Variants in NTAN1 observed in about 807,000 individuals in gnomAD.
NTAN1 encodes the protein N-terminal asparagine amidase.
Under a neutral mutation model 41.9 loss-of-function variants are expected in NTAN1, and 32 were observed. That is an observed-to-expected ratio of 0.76 (90% CI 0.58 to 1.03). The LOEUF (loss-of-function observed/expected upper bound fraction) is 1.03, where lower values mean the gene tolerates loss of function less well. Ranked by LOEUF, NTAN1 falls within the 50% of genes least tolerant of loss-of-function variation. The pLI is 0.00. For missense variants in NTAN1, 377 were observed against 377.5 expected, an observed-to-expected ratio of 1.00 and a Z score of 0.01; for synonymous variants, 140 against 139.5, an observed-to-expected ratio of 1.00 and a Z score of -0.03.
rs578157007 is a variant in NTAN1 at position 15,046,601 on chromosome 16, T to G, written c.359+841A>C. Among the ~76,000 whole-genome samples the G allele has an allele frequency of 6.9e-4, 104 of 150,518 alleles. 1 individual carries two copies. The highest frequency in any genetic ancestry group is 3.7e-4 in the Non-Finnish European group (25 of 67,864). On this transcript the variant is annotated intron_variant, in intron 4 of 9. Coordinates refer to ENST00000287706, the MANE Select transcript of NTAN1 (RefSeq NM_173474.4). ...GCAATCCTTGGGGAAACTACCAATC[T>G]GCTGGAATTTAAAACTATACCCCTC... is the stretch of plus-strand genomic sequence containing the variant.
chr16:15,047,495 G>A lies in NTAN1; in HGVS notation c.306C>T (p.Val102=), dbSNP rs1417439460. 6.2e-7 allele frequency: 1 copy of A among 1,614,058 alleles called. No homozygotes were observed. The highest frequency in any genetic ancestry group is 8.5e-7 in the Non-Finnish European group (1 of 1,179,902). Residue 102 remains valine, a synonymous_variant, in exon 4 of 10, where the codon GTC becomes GTT. Transcript: ENST00000287706. ...ATTTTATGGAGTTCATGATCAAGGG[G>A]ACCTCAGCTTTGGTGTCGGTTCCGT... ...HCDGTDTKAE[V]PLIMNSIKSF... is the part of the protein sequence containing the mutation.
chr16:15,047,323 G>A (rs559421619), intron 4 of NTAN1, 119 bp downstream of exon 4: 11 of 713,854 alleles, frequency 1.5e-5, no homozygotes, highest in Non-Finnish European at 2.8e-5. Flanking sequence ...TGTTCCAGGG[G>A]AACGAGGCAG....
At chr16:15,053,707 T>A (rs1209050158) in intron 1 of NTAN1, among the ~76,000 whole-genome samples, 1 of 151,944 alleles carries the variant, frequency 6.6e-6, no homozygotes, top group African/African-American at 2.4e-5. Flanking sequence ...GGTCAGGAGT[T>A]CAAGAACAGC....
At chr16:15,038,749 A>G (rs2043666465) in intron 8 of NTAN1, 62 bp from the exon 9 acceptor site, 1 of 857,202 alleles carries the variant, frequency 1.2e-6, no homozygotes, top group African/African-American at 1.7e-5. Context: ...AAACCCTCCC[A>G]GTAACGCAAG....
chr16:15,038,833 G>C, intron 8 of NTAN1, 146 bp from the exon 9 acceptor site: 2 of 582,866 alleles, frequency 3.4e-6, no homozygotes, highest in Non-Finnish European at 3.0e-6. Context: ...AAAGCTGCCA[G>C]CTACTGAACA....
chr16:15,041,798 C>A (rs1450387275), intron 5 of NTAN1, 122 bp from the exon 6 acceptor site: 2 of 737,000 alleles, frequency 2.7e-6, no homozygotes, highest in Non-Finnish European at 4.9e-6. Flanking sequence ...CCCTACAGCC[C>A]GCGCCCACAC....
chr16:15,055,208 C>T (rs1234796616), intron 1 of NTAN1, among the ~76,000 whole-genome samples: 2 of 152,146 alleles, frequency 1.3e-5, no homozygotes, highest in African/African-American at 2.4e-5. Context: ...CCTGAGAACC[C>T]CCTTGCCAAC....
intron 2 of NTAN1, 31 bp downstream of exon 2, chr16:15,047,966 A>G: frequency 1.2e-6 from 2 of 1,601,296 alleles, no homozygotes; most frequent in Non-Finnish European, 1.7e-6. Context: ...GCCTTTTGGG[A>G]TAACGCCCAA....
rs2044103234 is a variant in NTAN1 at position 15,047,100 on chromosome 16, C to G, written c.359+342G>C. 9.8e-6 allele frequency: 3 copies of G among 304,668 alleles called. No homozygotes were observed. The South Asian group carries it at 1.3e-4, about 13-fold the overall frequency. The allele number at this position is 304,668 out of a possible 1,614,324, so 18.9% of individuals were successfully genotyped here. On this transcript the variant is annotated intron_variant, in intron 4 of 9. Coordinates refer to ENST00000287706, the MANE Select transcript of NTAN1 (RefSeq NM_173474.4). ...GGTGTAGGTGAGAGGAAGCATTTAA[C>G]AAGCAACTGCGGGAGGAATGACTGC...
intron 8 of NTAN1, 116 bp from the exon 9 acceptor site, chr16:15,038,803 A>G (rs1361023775): frequency 1.6e-6 from 1 of 610,174 alleles, no homozygotes. Context: ...TAAGCTTCTT[A>G]AAACCTGTCT....
At chr16:15,039,774 G>T (rs1335086244) in intron 8 of NTAN1, among the ~76,000 whole-genome samples, 195 bp downstream of exon 8, 1 of 152,204 alleles carries the variant, frequency 6.6e-6, no homozygotes, top group Non-Finnish European at 1.5e-5. Flanking sequence ...AACTGGAGCT[G>T]ATGACCTAAA....
At chr16:15,055,397 G>A (rs1263875730) in intron 1 of NTAN1, among the ~76,000 whole-genome samples, 4 of 152,210 alleles carry the variant, frequency 2.6e-5, no homozygotes, top group African/African-American at 7.2e-5. Flanking sequence ...GGGAGAGAGA[G>A]GAGGAAGGAC....
Position 15,043,005 on chromosome 16 carries a change from G to A in NTAN1, c.433+1329C>T, listed in dbSNP as rs112740798. Among the ~76,000 whole-genome samples, 23 of 151,376 alleles carry A rather than the reference G, an allele frequency of 1.5e-4. 1 individual carries two copies. Among genetic ancestry groups the A allele is most frequent in the African/African-American group, 4.4e-4 (18 of 41,282 alleles). On this transcript the variant is annotated intron_variant, in intron 5 of 9. Coordinates refer to ENST00000287706, the MANE Select transcript of NTAN1 (RefSeq NM_173474.4). ...AACCTATACCTCCCGGGTTCAAGCG[G>A]TTCTCCTGCCTCAGCCTCCCAAGTA...
Position 15,041,059 on chromosome 16 carries a change from A to C in NTAN1, c.541+9T>G. The C allele has an allele frequency of 6.3e-7, 1 of 1,587,190 alleles. No homozygotes were observed. Among genetic ancestry groups the C allele is most frequent in the Non-Finnish European group, 8.7e-7 (1 of 1,155,384 alleles). ...AGACTCCAACCCACAAAAGATGCAC[A>C]CTACTTACCAATGCCATATATTACT... On this transcript the variant is annotated intron_variant, in intron 7 of 9. Transcript: ENST00000287706.
At chr16:15,039,337 C>T (rs962797063) in intron 8 of NTAN1, among the ~76,000 whole-genome samples, 1 of 152,280 alleles carries the variant, frequency 6.6e-6, no homozygotes, top group South Asian at 2.1e-4. Flanking sequence ...GTGAAAACAT[C>T]AGCATTTCAT....
chr16:15,044,248 T>G, intron 5 of NTAN1, 86 bp downstream of exon 5: 1 of 887,518 alleles, frequency 1.1e-6, no homozygotes, highest in Non-Finnish European at 1.8e-6. Flanking sequence ...TTCTTGGGTT[T>G]TGTACCAATT....
In NTAN1 at chr16:15,038,030, T is replaced by TTTAACTTCCTGGAG. The variant is rs2043602238; in HGVS notation, c.920_933dup. The TTTAACTTCCTGGAG allele has an allele frequency of 6.2e-7, 1 of 1,609,230 alleles. No homozygotes were observed. The highest frequency in any genetic ancestry group is 8.5e-7 in the Non-Finnish European group (1 of 1,178,110). The stretch of plus-strand genomic sequence containing the variant: ...GTGCTTTCTTTGGTAATTCATGTTT[T>TTTAACTTCCTGGAG]TTAACTTCCTGGAGAAGAGATCTTT... On this transcript the variant is annotated 3_prime_UTR_variant, in exon 10 of 10. Transcript: ENST00000287706.
chr16:15,038,553 A>T (rs746473437), intron 9 of NTAN1, 21 bp downstream of exon 9: 16 of 1,317,504 alleles, frequency 1.2e-5, no homozygotes, highest in Admixed American at 7.0e-5. Flanking sequence ...TTTAAGACTT[A>T]CCCAGCCTGT....
chr16:15,048,157 A>G (rs2044151204), intron 1 of NTAN1, 58 bp from the exon 2 acceptor site: 4 of 1,282,944 alleles, frequency 3.1e-6, no homozygotes, highest in Non-Finnish European at 4.5e-6. Context: ...TGGAAAAACT[A>G]AAGATGTGGA....
Sources: gnomAD v4.1 joint callset for allele counts (sites outside exome capture counted in the v4.1 genomes callset) on GRCh38, gnomAD v4.1.1 for gene constraint, MANE v1.5 for transcripts, NCBI Gene and HGNC (gene_info 2026-07-23, HGNC 2026-07-21) for gene names.